The following PIK3AP1 variants were observed in gnomAD, a reference collection of about 807,000 sequenced individuals.
PIK3AP1 encodes the protein phosphoinositide 3-kinase adapter protein 1.
A neutral mutation model predicts 88.1 loss-of-function variants in PIK3AP1; 21 were observed. The observed-to-expected ratio is 0.24, with a 90% confidence interval of 0.17 to 0.34. The LOEUF (loss-of-function observed/expected upper bound fraction) is 0.34, where lower values mean the gene tolerates loss of function less well. PIK3AP1 is among the 10% of genes least tolerant of loss of function. PIK3AP1 has a pLI of 1.00. For synonymous variants in PIK3AP1, 398 were observed against 400.0 expected (o/e 1.00, Z 0.06); for missense variants, 828 against 1,035.7 (o/e 0.80, Z 2.75).
intron 8 of PIK3AP1, among the ~76,000 whole-genome samples, chr10:96,642,861 T>G (rs1246369242): frequency 6.6e-6 from 1 of 152,184 alleles, no homozygotes; most frequent in African/African-American, 2.4e-5. Context: ...GGACAGCAAG[T>G]GTAAGGCTCT....
intron 2 of PIK3AP1, among the ~76,000 whole-genome samples, chr10:96,662,606 C>G (rs879667405): frequency 6.6e-6 from 1 of 150,486 alleles, no homozygotes; most frequent in Non-Finnish European, 1.5e-5. Flanking sequence ...TCCGGCCGGG[C>G]GCGGTGGCTC....
intron 2 of PIK3AP1, among the ~76,000 whole-genome samples, chr10:96,667,979 A>C (rs940315072): frequency 6.6e-6 from 1 of 152,196 alleles, no homozygotes; most frequent in African/African-American, 2.4e-5. Flanking sequence ...ACTTCTATCT[A>C]TATCAAGAGA....
intron 16 of PIK3AP1, among the ~76,000 whole-genome samples, chr10:96,596,277 C>T (rs944603881): frequency 3.3e-5 from 5 of 152,174 alleles, no homozygotes; most frequent in Non-Finnish European, 7.4e-5. Context: ...AAATCTTACC[C>T]AGGCTCACCT....
intron 10 of PIK3AP1, among the ~76,000 whole-genome samples, chr10:96,625,582 A>G (rs947110021): frequency 6.6e-6 from 1 of 152,180 alleles, no homozygotes; most frequent in African/African-American, 2.4e-5. Flanking sequence ...TTGAAATTCA[A>G]AGTCAACTGG....
rs763855438 is a variant in PIK3AP1, at chr10:96,620,374, G to A, written c.1919C>T (p.Ser640Leu). The change falls in exon 12 of 17, where the codon TCG becomes TTG. Residue 640 changes from serine (S) to leucine (L), a missense_variant. Physicochemically the swap from Ser to Leu is moderately radical, Grantham distance 145 (BLOSUM62 -2). This residue lies in a region of PIK3AP1 where 27 missense variants were observed against 67.1 expected (regional missense o/e 0.40). Coordinates refer to ENST00000339364, the MANE Select transcript of PIK3AP1 (RefSeq NM_152309.3). ...KEWQLNQKKR[S>L]ESFRFQQENL... ...TACCTGCTGGAAACGAAAGGACTCC[G>A]ATCGTTTCTTCTGGTTGAGCTGCCA... 5.6e-6 allele frequency: 9 copies of A among 1,613,990 alleles called. No homozygotes were observed. The highest frequency in any genetic ancestry group is 3.3e-5 in the Admixed American group (2 of 60,008).
intron 3 of PIK3AP1, 116 bp from the exon 4 acceptor site, chr10:96,652,958 A>C (rs1843561999): frequency 8.2e-7 from 1 of 1,214,324 alleles, no homozygotes; most frequent in Non-Finnish European, 1.1e-6. Context: ...ATCTCTGGGG[A>C]CAGGGTGGAC....
At chr10:96,706,299 G>A (rs927028385) in intron 2 of PIK3AP1, among the ~76,000 whole-genome samples, 3 of 152,146 alleles carry the variant, frequency 2.0e-5, no homozygotes, top group African/African-American at 4.8e-5. Context: ...GTGTAGTAAC[G>A]TATATGAAAA....
At chr10:96,636,202 G>A (rs1033864854) in intron 8 of PIK3AP1, among the ~76,000 whole-genome samples, 1 of 151,828 alleles carries the variant, frequency 6.6e-6, no homozygotes, top group African/African-American at 2.4e-5. Context: ...GGGTGACAGA[G>A]CAAGACTCCG....
intron 2 of PIK3AP1, among the ~76,000 whole-genome samples, chr10:96,673,497 G>GCC (rs202068128): frequency 5.9e-5 from 9 of 151,698 alleles, no homozygotes; most frequent in African/African-American, 2.2e-4. Context: ...AGCTACCACA[G>GCC]CCCCCCCCGA....
chr10:96,651,295 A>G lies in PIK3AP1; in HGVS notation c.941T>C (p.Leu314Pro). ...CAGCTGGTTGATTCCAAAGAGGTGC[A>G]GTCCGCTTGCAGGGATATTGTTCTT... The part of the protein sequence containing the change: ...SLKNNIPASG[L>P]HLFGINQLEE... The change falls in exon 6 of 17, where the codon CTG (leucine) becomes CCG (proline). Residue 314 changes from leucine (L) to proline (P), a missense_variant. Transcript: ENST00000339364. The G allele has an allele frequency of 1.2e-6, 2 of 1,614,222 alleles. No individual in the cohort carries two copies. The highest frequency in any genetic ancestry group is 1.7e-6 in the Non-Finnish European group (2 of 1,180,042).
chr10:96,622,496 G>A (rs1843098526), intron 11 of PIK3AP1, among the ~76,000 whole-genome samples: 1 of 152,228 alleles, frequency 6.6e-6, no homozygotes, highest in Non-Finnish European at 1.5e-5. Context: ...GCACCGGTGA[G>A]TACTGAAAAA....
chr10:96,695,655 G>A (rs1005510643), intron 2 of PIK3AP1, among the ~76,000 whole-genome samples: 1 of 151,402 alleles, frequency 6.6e-6, no homozygotes, highest in Non-Finnish European at 1.5e-5. Context: ...AAACCCAGAA[G>A]AAAAAGTACC....
chr10:96,594,375 T>C lies in PIK3AP1; in HGVS notation c.*1202A>G, dbSNP rs1356873897. On this transcript the variant is annotated 3_prime_UTR_variant, in exon 17 of 17. Transcript: ENST00000339364. This position sits in a 1 kb window ranked among gnomAD's most constrained non-coding sequence, Gnocchi z 4.6. ...CTTTAAATCATTTCTAGATTTCTTATAATATCTAATACAATGCCTACACAT... is the reference window on the plus strand; with the variant it reads ...CTTTAAATCATTTCTAGATTTCTTACAATATCTAATACAATGCCTACACAT... The C allele has an allele frequency of 1.3e-5, 2 of 152,258 alleles. No homozygotes were observed. Among genetic ancestry groups the C allele is most frequent in the African/African-American group, 4.8e-5 (2 of 41,470 alleles). The allele number at this position is 152,258 out of a possible 1,614,324, so 9.4% of individuals were successfully genotyped here.
chr10:96,614,342 A>G (rs531628141), intron 13 of PIK3AP1, among the ~76,000 whole-genome samples: 4 of 152,198 alleles, frequency 2.6e-5, no homozygotes, highest in Admixed American at 2.6e-4. Flanking sequence ...CATCTCTTTT[A>G]TCACTGAGAC....
intron 2 of PIK3AP1, among the ~76,000 whole-genome samples, chr10:96,679,542 T>A (rs537834598): frequency 3.3e-5 from 5 of 151,532 alleles, no homozygotes; most frequent in Admixed American, 2.6e-4. Context: ...AAAAAAAAAA[T>A]TATTAATATC....
rs573033843 is a variant in PIK3AP1 at position 96,659,714 on chromosome 10, A to C, written c.431-2780T>G. On this transcript the variant is annotated intron_variant, in intron 2 of 16. Coordinates refer to ENST00000339364, the MANE Select transcript of PIK3AP1 (RefSeq NM_152309.3). ...TCTGTCTCTACCAAAAAAAAAAAAA[A>C]CAAAATGCAATTTTAATAGAAAAAT... Among the ~76,000 whole-genome samples, 8 of 151,812 alleles carry C rather than the reference A, an allele frequency of 5.3e-5. No homozygotes were observed. The South Asian group carries it at 1.4e-3, about 27-fold the overall frequency.
At chr10:96,650,888 C>T (rs899806323) in intron 6 of PIK3AP1, among the ~76,000 whole-genome samples, 7 of 152,306 alleles carry the variant, frequency 4.6e-5, no homozygotes, top group East Asian at 1.9e-4. Flanking sequence ...TGGATTTTAT[C>T]TAGAAGGCAA....
intron 12 of PIK3AP1, among the ~76,000 whole-genome samples, chr10:96,618,043 C>T (rs1158778979): frequency 6.6e-6 from 1 of 152,156 alleles, no homozygotes; most frequent in Non-Finnish European, 1.5e-5. Flanking sequence ...AGGAATGTCT[C>T]CACACCACCA....
Position 96,595,345 on chromosome 10 carries a change from T to A in PIK3AP1, c.*232A>T, listed in dbSNP as rs1320119716. The A allele has an allele frequency of 1.9e-6, 1 of 540,334 alleles. No homozygotes were observed. Among genetic ancestry groups the A allele is most frequent in the East Asian group, 3.1e-5 (1 of 32,378 alleles). The allele number at this position is 540,334 out of a possible 1,614,324, so 33.5% of individuals were successfully genotyped here. On this transcript the variant is annotated 3_prime_UTR_variant, in exon 17 of 17. Coordinates refer to ENST00000339364, the MANE Select transcript of PIK3AP1 (RefSeq NM_152309.3). ...TCTTCATCCTTTTGGCAAACAAGTA[T>A]ATGGTTCGATATACTTGGTGATGGT...
Sources: gnomAD v4.1 joint callset for allele counts (sites outside exome capture counted in the v4.1 genomes callset) on GRCh38, gnomAD v4.1.1 for gene constraint, gnomAD v4.1.1 regional missense constraint, Gnocchi (gnomAD v3.1) non-coding constraint, MANE v1.5 for transcripts, NCBI Gene and HGNC (gene_info 2026-07-23, HGNC 2026-07-21) for gene names.